Variants in SLC14A2 observed in about 807,000 individuals in gnomAD.
SLC14A2 encodes solute carrier family 14 member 2.
Under a neutral mutation model 104.6 loss-of-function variants are expected in SLC14A2, and 91 were observed. The ratio of observed to expected loss-of-function variants is 0.87; its 90% confidence interval spans 0.73 to 1.04. The LOEUF (loss-of-function observed/expected upper bound fraction) is 1.04. Ranked by LOEUF, SLC14A2 falls within the 50% of genes least tolerant of loss-of-function variation. The pLI, the probability that SLC14A2 is intolerant of heterozygous loss-of-function variation, is 0.00. For missense variants in SLC14A2, 1,189 were observed against 1,156.0 expected (o/e 1.03, Z -0.41); for synonymous variants, 476 against 466.4 (o/e 1.02, Z -0.27).
intron 1 of SLC14A2, among the ~76,000 whole-genome samples, chr18:45,388,358 G>A (rs578153840): frequency 2.0e-4 from 30 of 151,998 alleles, no homozygotes; most frequent in South Asian, 1.5e-3. Context: ...CACCGCGCCC[G>A]GCTGCTCATA....
At chr18:45,403,914 C>T (rs1473555039) in intron 1 of SLC14A2, among the ~76,000 whole-genome samples, 6 of 152,172 alleles carry the variant, frequency 3.9e-5, no homozygotes, top group African/African-American at 7.2e-5. Flanking sequence ...TCAACCCTTC[C>T]AGCACCTCCC....
chr18:45,484,161 G>A lies in SLC14A2; in HGVS notation c.-35+839G>A, dbSNP rs2144706208. Among the ~76,000 whole-genome samples, 4 of 152,306 alleles carry A rather than the reference G, an allele frequency of 2.6e-5. 1 individual carries two copies. The South Asian group carries it at 8.3e-4, about 32-fold the overall frequency. The stretch of plus-strand genomic sequence containing the variant: ...GTCTGTGTTTTCTCCATCTTCTAGG[G>A]ACTCTGAGTTGTATGTTAGGTCCTC... On this transcript the variant is annotated intron_variant, in intron 2 of 20. Coordinates refer to the SLC14A2 transcript ENST00000586448.
At chr18:45,372,896 ATAGT>A (rs949826169) in intron 1 of SLC14A2, among the ~76,000 whole-genome samples, 4 of 152,244 alleles carry the variant, frequency 2.6e-5, no homozygotes, top group Admixed American at 1.3e-4. Context: ...AAGATAAAAT[ATAGT>A]TAGATATTTT....
At chr18:45,394,944 T>C in intron 1 of SLC14A2, among the ~76,000 whole-genome samples, 1 of 152,198 alleles carries the variant, frequency 6.6e-6, no homozygotes, top group East Asian at 1.9e-4. Flanking sequence ...AGTCCTGCCA[T>C]ATGATCCAGC....
At chr18:45,634,195 G>A (rs2045384934) in intron 5 of SLC14A2, among the ~76,000 whole-genome samples, 1 of 152,150 alleles carries the variant, frequency 6.6e-6, no homozygotes, top group African/African-American at 2.4e-5. Context: ...TCATAGGGTA[G>A]GTATTTGTAG....
intron 1 of SLC14A2, among the ~76,000 whole-genome samples, chr18:45,399,451 A>T (rs1329457853): frequency 2.0e-5 from 3 of 152,238 alleles, no homozygotes; most frequent in African/African-American, 4.8e-5. Flanking sequence ...AGTTCTGAAC[A>T]CCTTCCTAGA....
intron 1 of SLC14A2, among the ~76,000 whole-genome samples, chr18:45,391,038 C>G (rs183520562): frequency 4.0e-4 from 61 of 152,260 alleles, no homozygotes; most frequent in African/African-American, 1.4e-3. Flanking sequence ...ATTAACTCGT[C>G]ATTTAACATT....
intron 1 of SLC14A2, among the ~76,000 whole-genome samples, chr18:45,249,712 G>A (rs1359197138): frequency 1.3e-5 from 2 of 152,188 alleles, no homozygotes; most frequent in Non-Finnish European, 2.9e-5. Context: ...CACTTTGAGA[G>A]GCTAAGGCAG....
chr18:45,236,587 A>G (rs2084256311), intron 1 of SLC14A2, among the ~76,000 whole-genome samples: 1 of 146,258 alleles, frequency 6.8e-6, no homozygotes, highest in South Asian at 2.1e-4. Context: ...ACATATATAT[A>G]TGGGAAAAAG....
chr18:45,243,176 AG>A (rs1271171235), intron 1 of SLC14A2, among the ~76,000 whole-genome samples: 1 of 152,372 alleles, frequency 6.6e-6, no homozygotes, highest in East Asian at 1.9e-4. Flanking sequence ...GCATAAGGCC[AG>A]GCACATTCAG....
intron 1 of SLC14A2, among the ~76,000 whole-genome samples, chr18:45,307,417 C>CA (rs71373705): frequency 0.032 from 1,819 of 56,616 alleles, 38 homozygotes; most frequent in African/African-American, 0.071. Context: ...GACTCCATCT[C>CA]AAAAAAAAAA....
At chr18:45,267,069 C>T (rs1458189283) in intron 1 of SLC14A2, among the ~76,000 whole-genome samples, 1 of 152,152 alleles carries the variant, frequency 6.6e-6, no homozygotes, top group Non-Finnish European at 1.5e-5. Flanking sequence ...ATGCATTCTC[C>T]TCATGGACAG....
intron 1 of SLC14A2, among the ~76,000 whole-genome samples, chr18:45,466,949 A>G: frequency 6.6e-6 from 1 of 152,170 alleles, no homozygotes; most frequent in East Asian, 1.9e-4. Flanking sequence ...GCGGAGCTCT[A>G]ATTCTTTCAG....
chr18:45,193,030 C>T, the SLC14A2 span, among the ~76,000 whole-genome samples: 1 of 152,176 alleles, frequency 6.6e-6, no homozygotes, highest in East Asian at 1.9e-4. Context: ...TTATTTTAAA[C>T]CTTTTGTCTT....
At chr18:45,564,029 G>T (rs535144640) in intron 2 of SLC14A2, among the ~76,000 whole-genome samples, 1 of 152,162 alleles carries the variant, frequency 6.6e-6, no homozygotes, top group Non-Finnish European at 1.5e-5. Flanking sequence ...TTGTAGTGGC[G>T]TATAATGAGT....
intron 1 of SLC14A2, among the ~76,000 whole-genome samples, chr18:45,213,794 C>T (rs768032850): frequency 9.2e-5 from 14 of 152,286 alleles, no homozygotes; most frequent in Non-Finnish European, 1.5e-5. Flanking sequence ...CTGCTTATGT[C>T]ACAGTAAGGC....
intron 1 of SLC14A2, among the ~76,000 whole-genome samples, chr18:45,362,226 A>G (rs570625898): frequency 2.6e-5 from 4 of 152,358 alleles, no homozygotes; most frequent in African/African-American, 9.6e-5. Flanking sequence ...CTCCCCAGCC[A>G]TGCAGAACTG....
At chr18:45,635,741 G>A (rs1272997408) in intron 5 of SLC14A2, among the ~76,000 whole-genome samples, 1 of 152,194 alleles carries the variant, frequency 6.6e-6, no homozygotes, top group Non-Finnish European at 1.5e-5. Context: ...GATGTTTAAA[G>A]GTAGAAGATA....
chr18:45,278,132 A>G (rs769720126), intron 1 of SLC14A2, among the ~76,000 whole-genome samples: 2 of 152,208 alleles, frequency 1.3e-5, no homozygotes, highest in Non-Finnish European at 2.9e-5. Flanking sequence ...AGCTATTTCC[A>G]GGAGCTTTCC....
Sources: allele counts gnomAD v4.1 joint callset (sites outside exome capture counted in the v4.1 genomes callset), GRCh38; gene constraint gnomAD v4.1.1; transcripts MANE v1.5; gene names NCBI Gene and HGNC (gene_info 2026-07-23, HGNC 2026-07-21).